The following CYP46A1 variants were observed in gnomAD, a reference collection of about 807,000 sequenced individuals.
The protein encoded by CYP46A1 is cholesterol 24-hydroxylase.
CYP46A1 carries 20 observed loss-of-function variants against 63.3 expected under a neutral mutation model. The ratio of observed to expected loss-of-function variants is 0.32; its 90% CI spans 0.22 to 0.46. The LOEUF is 0.46. CYP46A1 is among the 20% of genes least tolerant of loss of function. The probability of loss-of-function intolerance (pLI) is 1.00; values close to 1 mark genes in which losing one functional copy is unlikely to be tolerated. For synonymous variants in CYP46A1, 268 were observed against 273.6 expected (o/e 0.98, Z 0.20); for missense variants, 445 against 670.8 (o/e 0.66, Z 3.72).
At chr14:99,687,382 C>T (rs1190809163) in intron 1 of CYP46A1, among the ~76,000 whole-genome samples, 1 of 152,198 alleles carries the variant, frequency 6.6e-6, no homozygotes, top group Non-Finnish European at 1.5e-5. Flanking sequence ...GTTCTGGTTC[C>T]ACTCCGATTT....
intron 3 of CYP46A1, among the ~76,000 whole-genome samples, chr14:99,694,624 C>T (rs922803025): frequency 2.0e-5 from 3 of 151,898 alleles, no homozygotes; most frequent in South Asian, 2.1e-4. Flanking sequence ...CTCAGTCTCC[C>T]GACTAGCTGG....
chr14:99,725,279 G>A lies in CYP46A1; in HGVS notation c.1177-112G>A. 1.3e-6 allele frequency: 1 copy of A among 760,016 alleles called. No homozygotes were observed. The highest frequency in any genetic ancestry group is 2.3e-6 in the Non-Finnish European group (1 of 433,740). 47.1% of individuals were successfully genotyped at this position (760,016 alleles called of 1,614,324 possible). On this transcript the variant is annotated intron_variant, in intron 12 of 14. Coordinates refer to ENST00000261835, the MANE Select transcript of CYP46A1 (RefSeq NM_006668.2). This position sits in a 1 kb window ranked among gnomAD's most constrained non-coding sequence, Gnocchi z 4.2. ...GATGAGGGGTGAAGACATGGGGGGA[G>A]GAGAGTGGGACCCACTCTGCTCTGA...
Position 99,715,936 on chromosome 14 carries a change from G to A in CYP46A1, c.820G>A (p.Asp274Asn), listed in dbSNP as rs768703295. ...ALKRGEEVPA[D>N]ILTQILKAEE... ...GAAGAGGGGCGAGGAGGTTCCTGCCGACATCCTCACACAGATTCTGAAAGG... is the reference window on the plus strand; with the variant it reads ...GAAGAGGGGCGAGGAGGTTCCTGCCAACATCCTCACACAGATTCTGAAAGG... The change falls in exon 8 of 15, where the codon GAC becomes AAC. Residue 274 changes from aspartate to asparagine, a missense_variant. Physicochemically the swap from Asp to Asn is conservative, Grantham distance 23 (BLOSUM62 1). Coordinates refer to ENST00000261835, the MANE Select transcript of CYP46A1 (RefSeq NM_006668.2). The A allele has an allele frequency of 3.4e-6, 5 of 1,453,170 alleles. No homozygotes were observed. Among genetic ancestry groups the A allele is most frequent in the African/African-American group, 1.4e-5 (1 of 69,638 alleles). 90.0% of individuals were successfully genotyped at this position (1,453,170 alleles called of 1,614,324 possible).
rs1257530236 is a variant in CYP46A1 at position 99,684,347 on chromosome 14, GTCGGCTCGCGGCCTCCCGGCCCCC to G, written c.-65_-42del. ...GGCGGCGCGCGGCGCTGACAGCTGA[GTCGGCTCGCGGCCTCCCGGCCCCC>G]TCGGCGCCCGGCCCGACCCTGGCCT... On this transcript the variant is annotated 5_prime_UTR_variant, in exon 1 of 15. Coordinates refer to ENST00000261835, the MANE Select transcript of CYP46A1 (RefSeq NM_006668.2). 33 of 974,444 alleles carry G rather than the reference GTCGGCTCGCGGCCTCCCGGCCCCC, an allele frequency of 3.4e-5. No individual in the cohort carries two copies. The Admixed American group carries it at 4.6e-4, about 14-fold the overall frequency. 60.4% of individuals were successfully genotyped at this position (974,444 alleles called of 1,614,324 possible). A position where few individuals can be genotyped will look rare whatever the true frequency, so the allele number is the denominator to read the frequency against.
intron 7 of CYP46A1, chr14:99,708,557 T>C (rs879642335): frequency 9.2e-3 from 565 of 61,726 alleles, no homozygotes; most frequent in Middle Eastern, 0.079. Context: ...GCGCCTGCCA[T>C]TGAGAGGGCC....
At chr14:99,721,408 G>C in intron 11 of CYP46A1, 85 bp downstream of exon 11, 1 of 992,504 alleles carries the variant, frequency 1.0e-6, no homozygotes, top group Non-Finnish European at 1.6e-6. Flanking sequence ...TTTCAGGACA[G>C]TGGTTCTCAA....
chr14:99,717,267 C>T (rs2056798650), intron 9 of CYP46A1, among the ~76,000 whole-genome samples: 1 of 152,176 alleles, frequency 6.6e-6, no homozygotes, highest in African/African-American at 2.4e-5. Context: ...CGTCTCGTCC[C>T]TCCAGTCTAT....
intron 3 of CYP46A1, chr14:99,693,677 T>C (rs772601853): frequency 4.6e-5 from 7 of 152,236 alleles, no homozygotes; most frequent in Non-Finnish European, 8.8e-5. Context: ...AAAGTTTGTA[T>C]GGGAGTGATG....
intron 3 of CYP46A1, among the ~76,000 whole-genome samples, chr14:99,693,433 A>G (rs2056560625): frequency 6.6e-6 from 1 of 152,278 alleles, no homozygotes; most frequent in Admixed American, 6.5e-5. Flanking sequence ...ATATATTGAT[A>G]TAGTGAATTA....
chr14:99,705,818 G>A (rs369098068), intron 5 of CYP46A1, among the ~76,000 whole-genome samples: 57 of 152,296 alleles, frequency 3.7e-4, no homozygotes, highest in Middle Eastern at 6.8e-3. Flanking sequence ...CCAGCTACTC[G>A]GGAGCCTGAG....
intron 3 of CYP46A1, among the ~76,000 whole-genome samples, chr14:99,692,755 G>A (rs866766394): frequency 7.9e-5 from 12 of 151,928 alleles, no homozygotes; most frequent in African/African-American, 2.9e-4. Context: ...GCTTGAACCC[G>A]GGAGGCAGAA....
rs2056784842 is a variant in CYP46A1, at chr14:99,715,908, C to A, written c.792C>A (p.Ala264=). The A allele has an allele frequency of 6.2e-7, 1 of 1,613,676 alleles. No homozygotes were observed. Among genetic ancestry groups the A allele is most frequent in the African/African-American group, 1.3e-5 (1 of 75,008 alleles). ...GRDWVQRRRE[A]LKRGEEVPAD... ...ACTGGGTCCAGCGCCGCCGGGAAGC[C>A]CTGAAGAGGGGCGAGGAGGTTCCTG... The change falls in exon 8 of 15, where the codon GCC becomes GCA. Residue 264 remains alanine, a synonymous_variant. Coordinates refer to ENST00000261835, the MANE Select transcript of CYP46A1 (RefSeq NM_006668.2).
At chr14:99,723,327 T>G (rs2056866463) in intron 12 of CYP46A1, among the ~76,000 whole-genome samples, 1 of 152,204 alleles carries the variant, frequency 6.6e-6, no homozygotes, top group South Asian at 2.1e-4. Flanking sequence ...ATTTTGTTTT[T>G]AAATAGAGTC....
At chr14:99,704,835 G>A (rs916076141) in intron 5 of CYP46A1, among the ~76,000 whole-genome samples, 1 of 152,204 alleles carries the variant, frequency 6.6e-6, no homozygotes, top group African/African-American at 2.4e-5. Flanking sequence ...AGCGGCCTTT[G>A]AGTGTCCATC....
intron 3 of CYP46A1, among the ~76,000 whole-genome samples, chr14:99,694,285 G>T (rs189435541): frequency 2.9e-4 from 29 of 99,364 alleles, no homozygotes; most frequent in African/African-American, 8.6e-4. Flanking sequence ...TTGTTCATGA[G>T]ATTTTCTTTC....
intron 1 of CYP46A1, among the ~76,000 whole-genome samples, chr14:99,685,321 C>CCA (rs1171525101): frequency 8.6e-6 from 1 of 116,228 alleles, no homozygotes; most frequent in African/African-American, 3.1e-5. Context: ...CCCCCCGCCC[C>CCA]CCCCGCAGCT....
chr14:99,692,493 C>G (rs183123838), intron 3 of CYP46A1, among the ~76,000 whole-genome samples: 1 of 151,944 alleles, frequency 6.6e-6, no homozygotes, highest in South Asian at 2.1e-4. Context: ...GAGCAGAGAT[C>G]GTGCCATGGC....
At chr14:99,721,599 A>G (rs2056847143) in intron 11 of CYP46A1, among the ~76,000 whole-genome samples, 2 of 152,258 alleles carry the variant, frequency 1.3e-5, no homozygotes, top group Admixed American at 1.3e-4. Flanking sequence ...CTGGGGTTCC[A>G]GATCCTTAAG....
intron 11 of CYP46A1, among the ~76,000 whole-genome samples, chr14:99,721,712 C>A (rs1303733926): frequency 6.6e-6 from 1 of 152,116 alleles, no homozygotes; most frequent in Non-Finnish European, 1.5e-5. Flanking sequence ...GGTGGGACCC[C>A]TGATTCCTGG....
Sources: gnomAD v4.1 joint callset for allele counts (sites outside exome capture counted in the v4.1 genomes callset) on GRCh38, gnomAD v4.1.1 for gene constraint, Gnocchi (gnomAD v3.1) non-coding constraint, MANE v1.5 for transcripts, NCBI Gene and HGNC (gene_info 2026-07-23, HGNC 2026-07-21) for gene names.